Variants in GRIK4 observed in about 807,000 individuals in gnomAD.
The protein encoded by GRIK4 is glutamate receptor ionotropic, kainate 4.
GRIK4 carries 40 observed loss-of-function variants against 104.9 expected under a neutral mutation model. That is an observed-to-expected ratio of 0.38 (90% CI 0.30 to 0.50). GRIK4 has a LOEUF of 0.50. GRIK4 is among the 20% of genes least tolerant of loss of function. GRIK4 has a pLI of 0.93. For synonymous variants in GRIK4, 485 were observed against 524.9 expected, an observed-to-expected ratio of 0.92 and a Z score of 1.04; for missense variants, 1,047 against 1,308.1, an observed-to-expected ratio of 0.80 and a Z score of 3.08.
At chr11:120,888,367 C>G (rs1955179819) in intron 11 of GRIK4, among the ~76,000 whole-genome samples, 1 of 152,160 alleles carries the variant, frequency 6.6e-6, no homozygotes, top group African/African-American at 2.4e-5. Flanking sequence ...GTTTTCTTAT[C>G]TGTAAAACAA....
chr11:120,805,461 A>G (rs138262746), intron 4 of GRIK4, among the ~76,000 whole-genome samples: 1 of 152,238 alleles, frequency 6.6e-6, no homozygotes, highest in African/African-American at 2.4e-5. Context: ...CAGATGAATC[A>G]GGGGAATAAA....
intron 3 of GRIK4, among the ~76,000 whole-genome samples, chr11:120,769,771 A>G (rs1951907203): frequency 6.6e-6 from 1 of 152,208 alleles, no homozygotes; most frequent in Non-Finnish European, 1.5e-5. Context: ...CAACTTCAGT[A>G]TGCTCTACTA....
chr11:120,610,184 G>A (rs1949016837), intron 1 of GRIK4, among the ~76,000 whole-genome samples: 1 of 152,144 alleles, frequency 6.6e-6, no homozygotes. Context: ...ATTATGATCC[G>A]TGAGCCTTCC....
intron 1 of GRIK4, among the ~76,000 whole-genome samples, chr11:120,633,393 C>T (rs1010520420): frequency 3.9e-5 from 6 of 152,166 alleles, no homozygotes; most frequent in Admixed American, 6.5e-5. Context: ...TCTCTGCAGA[C>T]GCTGGCCCCT....
intron 3 of GRIK4, among the ~76,000 whole-genome samples, chr11:120,791,439 C>T (rs1225386606): frequency 6.6e-6 from 1 of 152,216 alleles, no homozygotes; most frequent in Admixed American, 6.5e-5. Flanking sequence ...CTTTTGCCCA[C>T]TTTAAAAATT....
At chr11:120,742,050 A>G (rs1565325971) in intron 3 of GRIK4, among the ~76,000 whole-genome samples, 2 of 152,176 alleles carry the variant, frequency 1.3e-5, no homozygotes, top group African/African-American at 4.8e-5. Flanking sequence ...TTACAAAAGA[A>G]AAACAACCCC....
At position 120,673,586 on chromosome 11, in the gene GRIK4, T is replaced by C. The variant is rs137996327; in HGVS notation, c.82+13186T>C. Among the ~76,000 whole-genome samples, 1,125 of 152,340 alleles carry C rather than the reference T, an allele frequency of 7.4e-3. 15 individuals are homozygous for C. Among genetic ancestry groups the C allele is most frequent in the South Asian group, 0.044 (211 of 4,826 alleles). On this transcript the variant is annotated intron_variant, in intron 3 of 20. Transcript: ENST00000527524. ...GTCCCTCAGATCCAAACACCAGGAC[T>C]TGGCAAACACAAGTCCACCAGCGCT...
chr11:120,596,634 T>C (rs1352466987), intron 1 of GRIK4, among the ~76,000 whole-genome samples: 1 of 152,094 alleles, frequency 6.6e-6, no homozygotes, highest in Non-Finnish European at 1.5e-5. Flanking sequence ...ATAAAGCATA[T>C]GGAGAAGGGG....
At chr11:120,857,323 A>C (rs1954130352) in intron 8 of GRIK4, among the ~76,000 whole-genome samples, 1 of 152,220 alleles carries the variant, frequency 6.6e-6, no homozygotes, top group African/African-American at 2.4e-5. Flanking sequence ...CGTCTGCTGC[A>C]GAAAGTGAGG....
At chr11:120,768,051 C>G (rs558542775) in intron 3 of GRIK4, among the ~76,000 whole-genome samples, 1 of 151,294 alleles carries the variant, frequency 6.6e-6, no homozygotes, top group South Asian at 2.1e-4. Flanking sequence ...TTTGTGATCC[C>G]ATGGAAATTT....
intron 1 of GRIK4, among the ~76,000 whole-genome samples, chr11:120,641,548 T>C (rs1419963700): frequency 6.6e-6 from 1 of 152,170 alleles, no homozygotes; most frequent in Non-Finnish European, 1.5e-5. Context: ...TTCCTCCCCT[T>C]TTTAGACCAT....
At chr11:120,610,834 T>C (rs1309482641) in intron 1 of GRIK4, among the ~76,000 whole-genome samples, 1 of 152,156 alleles carries the variant, frequency 6.6e-6, no homozygotes, top group East Asian at 1.9e-4. Flanking sequence ...GGATTCTTGC[T>C]ACAGGTTATG....
chr11:120,930,653 A>G (rs1943464582), intron 13 of GRIK4, among the ~76,000 whole-genome samples: 1 of 152,234 alleles, frequency 6.6e-6, no homozygotes, highest in African/African-American at 2.4e-5. Context: ...CTTATGCCTG[A>G]GAAGATGATC....
chr11:120,547,066 A>G (rs1948091746), intron 1 of GRIK4, among the ~76,000 whole-genome samples: 1 of 152,132 alleles, frequency 6.6e-6, no homozygotes, highest in Non-Finnish European at 1.5e-5. Flanking sequence ...CGCTTCCTCC[A>G]CATTCTCCTG....
intron 1 of GRIK4, among the ~76,000 whole-genome samples, chr11:120,554,778 C>G (rs766815760): frequency 5.3e-5 from 8 of 152,246 alleles, no homozygotes; most frequent in Admixed American, 1.3e-4. Flanking sequence ...AGGCTGGTCT[C>G]GAACTCCTGG....
chr11:120,777,081 T>C (rs528875890), intron 3 of GRIK4, among the ~76,000 whole-genome samples: 3 of 152,292 alleles, frequency 2.0e-5, no homozygotes, highest in African/African-American at 7.2e-5. Flanking sequence ...TCGGGTGATG[T>C]AGGGAACTAG....
At chr11:120,535,806 C>T (rs1011609102) in intron 1 of GRIK4, among the ~76,000 whole-genome samples, 4 of 152,256 alleles carry the variant, frequency 2.6e-5, no homozygotes, top group Admixed American at 6.5e-5. Context: ...TGCACCTATT[C>T]CTACCTTGCT....
intron 18 of GRIK4, among the ~76,000 whole-genome samples, chr11:120,963,984 T>TTTA (rs1262317867): frequency 0.032 from 367 of 11,606 alleles, 3 homozygotes; most frequent in African/African-American, 0.13. Flanking sequence ...TATTTATTTA[T>TTTA]TTATTTATTT....
chr11:120,985,515 T>C (rs887439686), intron 20 of GRIK4, among the ~76,000 whole-genome samples: 15 of 151,966 alleles, frequency 9.9e-5, no homozygotes, highest in Admixed American at 3.9e-4. Flanking sequence ...GGTGGAGGAA[T>C]TATTTATTTA....
Sources: gnomAD v4.1 joint callset for allele counts (sites outside exome capture counted in the v4.1 genomes callset) on GRCh38, gnomAD v4.1.1 for gene constraint, MANE v1.5 for transcripts, NCBI Gene and HGNC (gene_info 2026-07-23, HGNC 2026-07-21) for gene names.